DNAJC5B: variants seen among roughly 807,000 people sequenced by gnomAD.
The protein encoded by DNAJC5B is dnaJ homolog subfamily C member 5B.
A neutral mutation model predicts 24.7 loss-of-function variants in DNAJC5B; 23 were observed. That is an observed-to-expected ratio of 0.93 (90% CI 0.67 to 1.32). DNAJC5B has a LOEUF of 1.32. Ranked by LOEUF, DNAJC5B falls within the 40% of genes most tolerant of loss-of-function variation. The pLI, the probability that DNAJC5B is intolerant of heterozygous loss-of-function variation, is 0.00. For missense variants in DNAJC5B, 238 were observed against 240.8 expected (o/e 0.99, Z 0.08); for synonymous variants, 101 against 90.1 (o/e 1.12, Z -0.68).
intron 3 of DNAJC5B, among the ~76,000 whole-genome samples, chr8:66,054,929 T>C (rs1366324652): frequency 6.6e-6 from 1 of 152,180 alleles, no homozygotes; most frequent in Non-Finnish European, 1.5e-5. Flanking sequence ...CAGTTAATTT[T>C]TGTAATATCT....
chr8:66,079,170 C>A (rs566122943), intron 4 of DNAJC5B, among the ~76,000 whole-genome samples: 1 of 152,074 alleles, frequency 6.6e-6, no homozygotes, highest in South Asian at 2.1e-4. Context: ...TTGGGGAAAT[C>A]CTGCTGCTGT....
chr8:66,098,201 A>G (rs1000806113), intron 5 of DNAJC5B, among the ~76,000 whole-genome samples: 2 of 149,154 alleles, frequency 1.3e-5, no homozygotes, highest in Non-Finnish European at 3.0e-5. Flanking sequence ...TGTTTTAAAT[A>G]TGATTTTTTT....
chr8:66,039,841 A>T (rs147459363), intron 1 of DNAJC5B, among the ~76,000 whole-genome samples: 2 of 152,328 alleles, frequency 1.3e-5, no homozygotes, highest in African/African-American at 4.8e-5. Flanking sequence ...TTAAATTTGG[A>T]ATGAAATCTA....
chr8:66,097,619 G>T (rs1299208799), intron 5 of DNAJC5B, among the ~76,000 whole-genome samples: 1 of 150,078 alleles, frequency 6.7e-6, no homozygotes, highest in Non-Finnish European at 1.5e-5. Context: ...TCTCTAAATT[G>T]GGTCTGCAGT....
At position 66,076,840 on chromosome 8, in the gene DNAJC5B, C is replaced by G. The variant is rs749368596; in HGVS notation, c.300C>G (p.Asn100Lys). The G allele has an allele frequency of 2.5e-5, 41 of 1,614,032 alleles. 1 individual carries two copies. The South Asian group carries it at 4.4e-4, about 17-fold the overall frequency. The change falls in exon 4 of 6, where the codon AAC becomes AAG. Residue 100 changes from asparagine (N) to lysine (K), a missense_variant. Coordinates refer to ENST00000276570, the MANE Select transcript of DNAJC5B (RefSeq NM_033105.6). ...VAEQFGDENV[N>K]TYFMLSSWWA... ...AGCAGTTTGGAGACGAAAACGTTAA[C>G]ACCTACTTCATGCTGTCGAGCTGGT...
intron 2 of DNAJC5B, among the ~76,000 whole-genome samples, chr8:66,051,133 C>T (rs971763792): frequency 6.6e-6 from 1 of 152,178 alleles, no homozygotes; most frequent in African/African-American, 2.4e-5. Flanking sequence ...TGTCCCATAT[C>T]CACCACTTCC....
intron 1 of DNAJC5B, among the ~76,000 whole-genome samples, chr8:66,029,028 A>C (rs1806305657): frequency 6.6e-6 from 1 of 152,074 alleles, no homozygotes; most frequent in Non-Finnish European, 1.5e-5. Flanking sequence ...CAGCTTGCCC[A>C]ATACTTTTCT....
chr8:66,049,653 G>A (rs1022339480), intron 2 of DNAJC5B, among the ~76,000 whole-genome samples: 10 of 152,212 alleles, frequency 6.6e-5, no homozygotes, highest in Non-Finnish European at 1.0e-4. Context: ...TAGCCTCATC[G>A]TTAAGTGGTG....
rs1808054653 is a variant in DNAJC5B at position 66,100,612 on chromosome 8, A to G, written c.*581A>G. ...ATTTACTGAAAACTGGAAACCAGGA[A>G]GAAACAGGTTTTGTGTGTACTTTTA... On this transcript the variant is annotated 3_prime_UTR_variant, in exon 6 of 6. Coordinates refer to ENST00000276570, the MANE Select transcript of DNAJC5B (RefSeq NM_033105.6). 1 of 152,184 alleles carries G rather than the reference A, an allele frequency of 6.6e-6. No homozygotes were observed. Among genetic ancestry groups the G allele is most frequent in the Non-Finnish European group, 1.5e-5 (1 of 68,030 alleles). 9.4% of individuals were successfully genotyped at this position (152,184 alleles called of 1,614,324 possible).
intron 5 of DNAJC5B, among the ~76,000 whole-genome samples, chr8:66,097,075 T>C (rs1347289848): frequency 6.6e-6 from 1 of 152,064 alleles, no homozygotes; most frequent in African/African-American, 2.4e-5. Flanking sequence ...AACTATTGAG[T>C]GAGTTAATAT....
At chr8:66,030,761 C>T (rs1219557917) in intron 1 of DNAJC5B, among the ~76,000 whole-genome samples, 2 of 152,278 alleles carry the variant, frequency 1.3e-5, no homozygotes, top group South Asian at 2.1e-4. Flanking sequence ...CTCAGCCTCC[C>T]GAGTAGCTGA....
At chr8:66,075,412 A>G (rs1163914515) in intron 3 of DNAJC5B, among the ~76,000 whole-genome samples, 3 of 152,196 alleles carry the variant, frequency 2.0e-5, no homozygotes, top group African/African-American at 4.8e-5. Flanking sequence ...TTCAGGGCCC[A>G]GAGTGAGAAT....
chr8:66,059,725 A>G (rs112450066), intron 3 of DNAJC5B, among the ~76,000 whole-genome samples: 2,397 of 152,208 alleles, frequency 0.016, 54 homozygotes, highest in African/African-American at 0.054. Context: ...ATGTAGTGGC[A>G]TTGTCCACCA....
chr8:66,064,441 G>A (rs796868973), intron 3 of DNAJC5B, among the ~76,000 whole-genome samples: 125 of 152,270 alleles, frequency 8.2e-4, no homozygotes, highest in African/African-American at 2.1e-3. Context: ...CCAGGGGTGC[G>A]AGCTGCTATT....
chr8:66,028,356 G>T (rs1294717178), intron 1 of DNAJC5B, among the ~76,000 whole-genome samples: 1 of 152,120 alleles, frequency 6.6e-6, no homozygotes, highest in African/African-American at 2.4e-5. Flanking sequence ...ATGAAAAAGA[G>T]GAGTCATGGA....
At chr8:66,062,018 C>G (rs554715643) in intron 3 of DNAJC5B, among the ~76,000 whole-genome samples, 1 of 152,304 alleles carries the variant, frequency 6.6e-6, no homozygotes, top group Admixed American at 6.5e-5. Flanking sequence ...CTGCGCTGTT[C>G]CAGCAGAGCA....
At position 66,051,538 on chromosome 8, in the gene DNAJC5B, G is replaced by C. The variant is rs1185060514; in HGVS notation, c.-10G>C. On this transcript the variant is annotated 5_prime_UTR_variant, in exon 3 of 6. Transcript: ENST00000276570. Reference sequence around the variant, plus strand: ...CTATTTTCTCCCCTTTAGTTTTGCAGCCTTAGAAAATGGCATGTAACATAC... The same window carrying C: ...CTATTTTCTCCCCTTTAGTTTTGCACCCTTAGAAAATGGCATGTAACATAC... The C allele has an allele frequency of 1.0e-5, 16 of 1,604,870 alleles. No individual in the cohort carries two copies. The highest frequency in any genetic ancestry group is 1.4e-5 in the Non-Finnish European group (16 of 1,173,402).
upstream of DNAJC5B, among the ~76,000 whole-genome samples, chr8:66,021,392 G>A (rs1342452235): frequency 6.6e-6 from 1 of 152,182 alleles, no homozygotes; most frequent in African/African-American, 2.4e-5. Context: ...AGAGCAAATG[G>A]AAATGGGGGA....
intron 1 of DNAJC5B, among the ~76,000 whole-genome samples, chr8:66,042,637 CCTT>C (rs1302090797): frequency 2.7e-5 from 4 of 148,408 alleles, no homozygotes; most frequent in Non-Finnish European, 4.5e-5. Flanking sequence ...TTCTCCTTCT[CCTT>C]CTCCTCCTTC....
Sources: allele counts gnomAD v4.1 joint callset (sites outside exome capture counted in the v4.1 genomes callset), GRCh38; gene constraint gnomAD v4.1.1; transcripts MANE v1.5; gene names NCBI Gene and HGNC (gene_info 2026-07-23, HGNC 2026-07-21).